Variants in ANKRD30A observed in about 807,000 individuals in gnomAD.
ANKRD30A encodes the protein ankyrin repeat domain 30A.
ANKRD30A carries 170 observed loss-of-function variants against 166.3 expected under a neutral mutation model. The ratio of observed to expected loss-of-function variants is 1.02; its 90% CI spans 0.90 to 1.16. ANKRD30A has a LOEUF of 1.16. Among genes scored for constraint, ANKRD30A ranks in the 50% most tolerant of loss-of-function variants. The probability of loss-of-function intolerance (pLI) is 0.00; values close to 1 mark genes in which losing one functional copy is unlikely to be tolerated. For missense variants in ANKRD30A, 1,630 were observed against 1,518.0 expected (o/e 1.07, Z -1.23); for synonymous variants, 564 against 508.9 (o/e 1.11, Z -1.46).
intron 25 of ANKRD30A, among the ~76,000 whole-genome samples, chr10:37,191,106 G>T (rs1056357957): frequency 2.6e-5 from 4 of 151,756 alleles, no homozygotes; most frequent in Non-Finnish European, 5.9e-5. Flanking sequence ...TTAAAAGTCT[G>T]TTGCAACTAA....
chr10:37,230,023 C>T (rs1474428726), intron 34 of ANKRD30A, among the ~76,000 whole-genome samples: 4 of 151,742 alleles, frequency 2.6e-5, no homozygotes, highest in Non-Finnish European at 4.4e-5. Flanking sequence ...TTTGTTTAGA[C>T]ACAAGCAGAA....
the ANKRD30A span, among the ~76,000 whole-genome samples, chr10:37,250,495 C>G: frequency 6.6e-6 from 1 of 152,094 alleles, no homozygotes; most frequent in Non-Finnish European, 1.5e-5. Context: ...ACCCCTCATC[C>G]TGGCCAGTAA....
At chr10:37,140,390 C>T (rs764174273) in intron 6 of ANKRD30A, among the ~76,000 whole-genome samples, 5 of 152,182 alleles carry the variant, frequency 3.3e-5, no homozygotes, top group Non-Finnish European at 5.9e-5. Flanking sequence ...AATTACAAAA[C>T]TTAGCCAGGG....
chr10:37,235,718 AT>A (rs1343613613), downstream of ANKRD30A, among the ~76,000 whole-genome samples: 1 of 137,272 alleles, frequency 7.3e-6, no homozygotes, highest in Non-Finnish European at 1.6e-5. Context: ...TGAATATTGT[AT>A]TTGTTGGGCT....
chr10:37,216,408 G>C lies in ANKRD30A; in HGVS notation c.3083+14G>C, dbSNP rs1339914696. ...CTGCAGTGTGAGGTGTGATTTCCTA[G>C]TTTTAAATAAATATTTCAGCTATTT... is the stretch of plus-strand genomic sequence containing the variant. On this transcript the variant is annotated intron_variant, in intron 32 of 35. Transcript: ENST00000361713. 1 of 1,567,810 alleles carries C rather than the reference G, an allele frequency of 6.4e-7. No homozygotes were observed. Among genetic ancestry groups the C allele is most frequent in the East Asian group, 2.3e-5 (1 of 44,404 alleles).
chr10:37,221,562 A>G (rs1275410183), intron 34 of ANKRD30A, among the ~76,000 whole-genome samples: 1 of 151,360 alleles, frequency 6.6e-6, no homozygotes, highest in African/African-American at 2.4e-5. Flanking sequence ...CCATGGGAAG[A>G]CTTCTTTTAT....
At chr10:37,262,255 T>A in the ANKRD30A span, among the ~76,000 whole-genome samples, 8 of 152,188 alleles carry the variant, frequency 5.3e-5, no homozygotes, top group African/African-American at 1.9e-4. Context: ...CTTTCTCTAC[T>A]ATTTATGAGA....
the ANKRD30A span, chr10:37,262,518 T>G: frequency 6.3e-6 from 1 of 159,406 alleles, no homozygotes; most frequent in South Asian, 2.0e-4. Context: ...AAGCTGGTTT[T>G]GAGACTGCAG....
At chr10:37,199,985 G>C (rs1267664581) in intron 30 of ANKRD30A, among the ~76,000 whole-genome samples, 197 bp downstream of exon 30, 4 of 151,990 alleles carry the variant, frequency 2.6e-5, no homozygotes, top group African/African-American at 7.2e-5. Flanking sequence ...TGAATTTGTA[G>C]GATTAATTTA....
At chr10:37,151,639 G>T (rs17605833) in intron 11 of ANKRD30A, among the ~76,000 whole-genome samples, 7 of 152,026 alleles carry the variant, frequency 4.6e-5, no homozygotes, top group African/African-American at 1.2e-4. Context: ...AATCATCTTT[G>T]TGGAAGAACT....
chr10:37,262,785 A>G, the ANKRD30A span, among the ~76,000 whole-genome samples: 1 of 152,212 alleles, frequency 6.6e-6, no homozygotes, highest in Admixed American at 6.5e-5. Context: ...GTAAAGCCTC[A>G]TTGTAAAAAC....
At chr10:37,255,598 C>T in the ANKRD30A span, among the ~76,000 whole-genome samples, 3 of 151,982 alleles carry the variant, frequency 2.0e-5, no homozygotes, top group Non-Finnish European at 2.9e-5. Context: ...TTTTTATCAC[C>T]CCAAACTGAA....
chr10:37,194,729 G>A (rs1256013857), intron 27 of ANKRD30A, among the ~76,000 whole-genome samples: 1 of 152,092 alleles, frequency 6.6e-6, no homozygotes, highest in East Asian at 1.9e-4. Context: ...ATTTTAGATG[G>A]ACCCAATACA....
intron 5 of ANKRD30A, among the ~76,000 whole-genome samples, chr10:37,135,531 G>A (rs1836626515): frequency 6.6e-6 from 1 of 152,138 alleles, no homozygotes; most frequent in Non-Finnish European, 1.5e-5. Flanking sequence ...GCTGTTAGTA[G>A]GCATCTCAGA....
chr10:37,223,567 T>C (rs1009556377), intron 34 of ANKRD30A, among the ~76,000 whole-genome samples: 1 of 151,412 alleles, frequency 6.6e-6, no homozygotes, highest in Admixed American at 6.6e-5. Flanking sequence ...ATTTAGTATT[T>C]TATGCATAAA....
intron 1 of ANKRD30A, among the ~76,000 whole-genome samples, chr10:37,127,452 C>T (rs891659031): frequency 4.0e-5 from 6 of 151,822 alleles, no homozygotes; most frequent in South Asian, 2.1e-4. Context: ...ATTAAGTCAC[C>T]CTGCATATGA....
intron 7 of ANKRD30A, among the ~76,000 whole-genome samples, chr10:37,142,895 A>G (rs1329081713): frequency 6.6e-6 from 1 of 151,520 alleles, no homozygotes; most frequent in African/African-American, 2.4e-5. Flanking sequence ...GATCCCACTT[A>G]TGGTTGGCTA....
Position 37,141,880 on chromosome 10 carries a change from C to G in ANKRD30A, c.983C>G (p.Ala328Gly), listed in dbSNP as rs1837155750. ...TTGGTGGAAAAAACACCTGATGAGG[C>G]TGCATCCTTGGTGGAGGGAACATCT... ...ESLVEKTPDEAASLVEGTSDK... is the reference protein window; with the variant it reads ...ESLVEKTPDEGASLVEGTSDK... Residue 328 changes from alanine (A) to glycine (G), a missense_variant, in exon 7 of 36, where the codon GCT (alanine) becomes GGT (glycine). Coordinates refer to ENST00000361713, the MANE Select transcript of ANKRD30A (RefSeq NM_052997.3). The G allele has an allele frequency of 1.2e-6, 2 of 1,614,136 alleles. No homozygotes were observed. The highest frequency in any genetic ancestry group is 1.7e-5 in the Admixed American group (1 of 60,022).
the ANKRD30A span, among the ~76,000 whole-genome samples, chr10:37,243,795 A>G: frequency 6.6e-6 from 1 of 151,954 alleles, no homozygotes; most frequent in African/African-American, 2.4e-5. Context: ...TGTGCTTTAT[A>G]TATATTTTTT....
Sources: allele counts gnomAD v4.1 joint callset (sites outside exome capture counted in the v4.1 genomes callset), GRCh38; gene constraint gnomAD v4.1.1; transcripts MANE v1.5; gene names NCBI Gene and HGNC (gene_info 2026-07-23, HGNC 2026-07-21).